The following ARL8B variants were observed in gnomAD, a reference collection of about 807,000 sequenced individuals.
The protein encoded by ARL8B is ADP-ribosylation factor-like protein 8B.
A neutral mutation model predicts 30.6 loss-of-function variants in ARL8B; 9 were observed. The observed-to-expected ratio is 0.29, with a 90% CI of 0.18 to 0.51. The LOEUF is 0.51. Ranked by LOEUF, ARL8B falls within the 20% of genes least tolerant of loss-of-function variation. The probability of loss-of-function intolerance (pLI) is 0.97; values close to 1 mark genes in which losing one functional copy is unlikely to be tolerated. For synonymous variants in ARL8B, 74 were observed against 76.0 expected (o/e 0.97, Z 0.14); for missense variants, 130 against 227.2 (o/e 0.57, Z 2.75).
At chr3:5,152,096 G>A (rs2054489901) in intron 1 of ARL8B, among the ~76,000 whole-genome samples, 1 of 152,202 alleles carries the variant, frequency 6.6e-6, no homozygotes, top group Admixed American at 6.5e-5. Flanking sequence ...TTAATGAAAT[G>A]TTCTGTAACT....
chr3:5,139,982 G>GT (rs1480195533), intron 1 of ARL8B, among the ~76,000 whole-genome samples: 12 of 129,304 alleles, frequency 9.3e-5, no homozygotes, highest in Non-Finnish European at 1.5e-4. Flanking sequence ...GATGTGATTA[G>GT]TTTTGTTTTT....
At chr3:5,124,762 T>C (rs1372280717) in intron 1 of ARL8B, among the ~76,000 whole-genome samples, 1 of 152,220 alleles carries the variant, frequency 6.6e-6, no homozygotes, top group Admixed American at 6.5e-5. Flanking sequence ...ATAAGCCTGC[T>C]AGAGCTTTTA....
intron 1 of ARL8B, among the ~76,000 whole-genome samples, chr3:5,158,308 T>G (rs1349955015): frequency 6.6e-6 from 1 of 152,148 alleles, no homozygotes; most frequent in Non-Finnish European, 1.5e-5. Context: ...GTCCAGGGTT[T>G]TAGTTGTATT....
intron 1 of ARL8B, among the ~76,000 whole-genome samples, chr3:5,138,775 G>A (rs572679996): frequency 6.6e-6 from 1 of 152,296 alleles, no homozygotes; most frequent in South Asian, 2.1e-4. Context: ...AATGTACAGT[G>A]ACTTAGTATT....
chr3:5,149,619 C>A (rs868197888), intron 1 of ARL8B, among the ~76,000 whole-genome samples: 1 of 152,192 alleles, frequency 6.6e-6, no homozygotes, highest in South Asian at 2.1e-4. Flanking sequence ...GTTATATCCT[C>A]GTCCCCTTCC....
chr3:5,127,102 C>T (rs2054237430), intron 1 of ARL8B, among the ~76,000 whole-genome samples: 1 of 152,074 alleles, frequency 6.6e-6, no homozygotes. Flanking sequence ...AAATATGAAC[C>T]TAGAATCATT....
Position 5,122,450 on chromosome 3 carries a change from G to A in ARL8B, c.-16G>A. On this transcript the variant is annotated 5_prime_UTR_variant, in exon 1 of 7. Coordinates refer to ENST00000256496, the MANE Select transcript of ARL8B (RefSeq NM_018184.3). ...CTCGTCCGTCCTCCCGTCCGTTCTC[G>A]CTCCCGGCCGCCATCATGCTGGCGC... is the stretch of plus-strand genomic sequence containing the variant. 1 of 1,612,036 alleles carries A rather than the reference G, an allele frequency of 6.2e-7. No homozygotes were observed. The highest frequency in any genetic ancestry group is 1.1e-5 in the South Asian group (1 of 90,974).
At chr3:5,151,745 T>G (rs2054486344) in intron 1 of ARL8B, among the ~76,000 whole-genome samples, 1 of 124,718 alleles carries the variant, frequency 8.0e-6, no homozygotes, top group Non-Finnish European at 1.6e-5. Flanking sequence ...AGATAGGATC[T>G]TGCTGTCTTC....
At chr3:5,137,834 C>T (rs1042896135) in intron 1 of ARL8B, among the ~76,000 whole-genome samples, 9 of 152,024 alleles carry the variant, frequency 5.9e-5, no homozygotes, top group African/African-American at 1.9e-4. Context: ...AGTAATCTCC[C>T]ACCTCAGCCT....
In ARL8B at chr3:5,128,395, A is replaced by G. The variant is rs145550846; in HGVS notation, c.123+5807A>G. 2.9e-3 allele frequency: 1,316 copies of G among 446,534 alleles called. 4 individuals carry two copies. Among genetic ancestry groups the G allele is most frequent in the Non-Finnish European group, 4.4e-3 (977 of 223,240 alleles). 27.7% of individuals were successfully genotyped at this position (446,534 alleles called of 1,614,324 possible). A position where few individuals can be genotyped will look rare whatever the true frequency, so the allele number is the denominator to read the frequency against. The stretch of plus-strand genomic sequence containing the variant: ...AAAATGAGGCATCTTACAAAGGAAC[A>G]TCTCTACCTTCCATAAAGTTTTCTA... On this transcript the variant is annotated intron_variant, in intron 1 of 6. Coordinates refer to ENST00000256496, the MANE Select transcript of ARL8B (RefSeq NM_018184.3).
chr3:5,129,935 C>T (rs930935334), intron 1 of ARL8B, among the ~76,000 whole-genome samples: 2 of 152,138 alleles, frequency 1.3e-5, no homozygotes, highest in African/African-American at 4.8e-5. Flanking sequence ...ATGATCTTGG[C>T]TCACTGCAAC....
rs1379768732 is a variant in ARL8B at position 5,178,863 on chromosome 3, A to G, written c.*150A>G. On this transcript the variant is annotated 3_prime_UTR_variant, in exon 7 of 7. Transcript: ENST00000256496. Reference sequence around the variant, plus strand: ...TTCTCATGTGCACTGCTGAAGATGAATATCCCTAATCCTTCATAAAGAATC... The same window carrying G: ...TTCTCATGTGCACTGCTGAAGATGAGTATCCCTAATCCTTCATAAAGAATC... 1 of 1,339,690 alleles carries G rather than the reference A, an allele frequency of 7.5e-7. No homozygotes were observed. 83.0% of individuals were successfully genotyped at this position (1,339,690 alleles called of 1,614,324 possible).
In ARL8B at chr3:5,124,284, T is replaced by C. The variant is rs371544208; in HGVS notation, c.123+1696T>C. 9.1e-3 allele frequency among the ~76,000 whole-genome samples: 1,102 copies of C among 121,476 alleles called. 15 individuals carry two copies. The highest frequency in any genetic ancestry group is 0.035 in the African/African-American group (1,029 of 29,808). 79.7% of individuals were successfully genotyped at this position (121,476 alleles called of 152,430 possible). ...TTTTTTTTTTTTTTTTTTTTTTTTT[T>C]CTGGTAGAGACAAGATCTTCCTATG... On this transcript the variant is annotated intron_variant, in intron 1 of 6. Coordinates refer to ENST00000256496, the MANE Select transcript of ARL8B (RefSeq NM_018184.3).
chr3:5,143,288 G>T (rs1164046120), intron 1 of ARL8B, among the ~76,000 whole-genome samples: 2 of 152,130 alleles, frequency 1.3e-5, no homozygotes, highest in East Asian at 3.8e-4. Context: ...CCAGAAATGG[G>T]GCCAGCCCAT....
chr3:5,168,887 T>G (rs377356189), intron 1 of ARL8B, among the ~76,000 whole-genome samples: 12 of 152,204 alleles, frequency 7.9e-5, no homozygotes, highest in African/African-American at 2.7e-4. Flanking sequence ...CACTTAATGA[T>G]ATGAAATAAA....
Position 5,122,348 on chromosome 3 carries a change from T to G in ARL8B, c.-118T>G. On this transcript the variant is annotated 5_prime_UTR_variant, in exon 1 of 7. Coordinates refer to ENST00000256496, the MANE Select transcript of ARL8B (RefSeq NM_018184.3). The stretch of plus-strand genomic sequence containing the variant: ...GCTGCCGCCCGCCGGTGTCCGCCCG[T>G]GTCGCGCCGGGGCACCAAGGAGCCG... The G allele has an allele frequency of 6.5e-7, 1 of 1,549,412 alleles. No individual in the cohort carries two copies. The highest frequency in any genetic ancestry group is 8.7e-7 in the Non-Finnish European group (1 of 1,149,372).
intron 1 of ARL8B, among the ~76,000 whole-genome samples, chr3:5,127,648 C>T (rs150605287): frequency 2.6e-5 from 4 of 151,958 alleles, no homozygotes; most frequent in Non-Finnish European, 4.4e-5. Flanking sequence ...CTTTTAGTAT[C>T]TTTAAAAAGC....
At chr3:5,129,248 C>A (rs1217402625) in intron 1 of ARL8B, among the ~76,000 whole-genome samples, 1 of 151,894 alleles carries the variant, frequency 6.6e-6, no homozygotes, top group East Asian at 1.9e-4. Context: ...GATCTTGGCA[C>A]ACTGCAACCT....
intron 1 of ARL8B, among the ~76,000 whole-genome samples, chr3:5,170,042 A>T (rs1163881374): frequency 6.6e-6 from 1 of 152,232 alleles, no homozygotes; most frequent in African/African-American, 2.4e-5. Flanking sequence ...ACATAAAAGG[A>T]AAAACTTCTG....
Sources: gnomAD v4.1 joint callset for allele counts (sites outside exome capture counted in the v4.1 genomes callset) on GRCh38, gnomAD v4.1.1 for gene constraint, MANE v1.5 for transcripts, NCBI Gene and HGNC (gene_info 2026-07-23, HGNC 2026-07-21) for gene names.